Variants in PLA2R1 observed in about 807,000 individuals in gnomAD.
The protein encoded by PLA2R1 is phospholipase A2 receptor 1, also known as secretory phospholipase A2 receptor.
A neutral mutation model predicts 195.9 loss-of-function variants in PLA2R1; 158 were observed. The ratio of observed to expected loss-of-function variants is 0.81; its 90% CI spans 0.71 to 0.92. The LOEUF (loss-of-function observed/expected upper bound fraction) is 0.92. PLA2R1 is among the 40% of genes least tolerant of loss of function. PLA2R1 has a pLI of 0.00. For synonymous variants in PLA2R1, 586 were observed against 598.2 expected, an observed-to-expected ratio of 0.98 and a Z score of 0.30; for missense variants, 1,626 against 1,764.6, an observed-to-expected ratio of 0.92 and a Z score of 1.41.
intron 2 of PLA2R1, 67 bp downstream of exon 2, chr2:160,044,707 A>C (rs956308627): frequency 9.5e-6 from 13 of 1,372,714 alleles, no homozygotes; most frequent in Non-Finnish European, 1.3e-5. Flanking sequence ...ATGCTTTACA[A>C]ATCTTTACTT....
intron 18 of PLA2R1, 147 bp from the exon 19 acceptor site, chr2:159,969,506 G>C: frequency 2.0e-6 from 1 of 489,168 alleles, no homozygotes; most frequent in East Asian, 3.3e-5. Flanking sequence ...AGTACCTATA[G>C]TTAACAATAT....
At chr2:159,962,805 G>A (rs1195893235) in intron 20 of PLA2R1, among the ~76,000 whole-genome samples, 1 of 152,084 alleles carries the variant, frequency 6.6e-6, no homozygotes, top group African/African-American at 2.4e-5. Context: ...AACACCACAT[G>A]TTCTCACTCA....
At chr2:160,037,434 C>A (rs1417157215) in intron 3 of PLA2R1, among the ~76,000 whole-genome samples, 1 of 152,048 alleles carries the variant, frequency 6.6e-6, no homozygotes, top group Non-Finnish European at 1.5e-5. Flanking sequence ...ATGGCAATAA[C>A]CTCTTTCCCC....
intron 15 of PLA2R1, 36 bp from the exon 16 acceptor site, chr2:159,976,756 G>A: frequency 6.4e-7 from 1 of 1,566,846 alleles, no homozygotes; most frequent in Non-Finnish European, 8.8e-7. Flanking sequence ...GACTGATCTT[G>A]CTTCTCAAGT....
Position 159,941,636 on chromosome 2 carries a change from C to T in PLA2R1, c.*142G>A. The T allele has an allele frequency of 1.8e-6, 1 of 563,424 alleles. No individual in the cohort carries two copies. 34.9% of individuals were successfully genotyped at this position (563,424 alleles called of 1,614,324 possible). A position where few individuals can be genotyped will look rare whatever the true frequency, so the allele number is the denominator to read the frequency against. ...ATCTGATTTGGTTAAGATTCAAAACCAGTAATCACTTCAAGAATAATTAAA... is the reference window on the plus strand; with the variant it reads ...ATCTGATTTGGTTAAGATTCAAAACTAGTAATCACTTCAAGAATAATTAAA... On this transcript the variant is annotated 3_prime_UTR_variant, in exon 30 of 30. Coordinates refer to ENST00000283243, the MANE Select transcript of PLA2R1 (RefSeq NM_007366.5).
At chr2:160,006,330 G>A (rs1691983804) in intron 10 of PLA2R1, among the ~76,000 whole-genome samples, 2 of 152,208 alleles carry the variant, frequency 1.3e-5, no homozygotes, top group Admixed American at 1.3e-4. Context: ...AATTAAAGTA[G>A]CAATTTTATG....
At chr2:159,983,102 A>G (rs1020907061) in intron 13 of PLA2R1, among the ~76,000 whole-genome samples, 1 of 152,212 alleles carries the variant, frequency 6.6e-6, no homozygotes, top group Non-Finnish European at 1.5e-5. Flanking sequence ...ATATTTGAAA[A>G]TAGAGTAGAT....
chr2:160,028,441 C>T (rs1693655257), intron 5 of PLA2R1, 80 bp from the exon 6 acceptor site: 7 of 961,396 alleles, frequency 7.3e-6, no homozygotes, highest in Non-Finnish European at 1.1e-5. Flanking sequence ...TTTTCAGCAT[C>T]GGGGGACAGC....
At position 159,933,459 on chromosome 2, in the gene PLA2R1, A is replaced by AT. The variant is rs1217935996; in HGVS notation, c.*8318dup. On this transcript the variant is annotated 3_prime_UTR_variant, in exon 30 of 30. Coordinates refer to ENST00000283243, the MANE Select transcript of PLA2R1 (RefSeq NM_007366.5). ...TCTAACATTTCCTACAATTTAATAC[A>AT]TATCACTTATCTTGTTAAGCCTTTC... 3.9e-5 allele frequency: 6 copies of AT among 152,238 alleles called. No individual in the cohort carries two copies. The highest frequency in any genetic ancestry group is 8.8e-5 in the Non-Finnish European group (6 of 68,040). 9.4% of individuals were successfully genotyped at this position (152,238 alleles called of 1,614,324 possible).
chr2:160,036,346 T>C (rs1484100368), intron 3 of PLA2R1, among the ~76,000 whole-genome samples: 1 of 152,226 alleles, frequency 6.6e-6, no homozygotes, highest in Non-Finnish European at 1.5e-5. Flanking sequence ...CTTTTTCTCC[T>C]AGCCTCCAAG....
chr2:160,028,175 A>G (rs767330400), intron 6 of PLA2R1, 43 bp downstream of exon 6: 1 of 1,346,512 alleles, frequency 7.4e-7, no homozygotes, highest in Non-Finnish European at 1.0e-6. Flanking sequence ...TTGAGAGGAC[A>G]AGTCAACAAC....
At chr2:159,951,301 A>T in intron 24 of PLA2R1, 39 bp downstream of exon 24, 1 of 1,149,274 alleles carries the variant, frequency 8.7e-7, no homozygotes, top group Non-Finnish European at 1.3e-6. Context: ...TGCTAAACTT[A>T]ATTATTCAAG....
rs78192042 is a variant in PLA2R1, at chr2:160,049,170, T to C, written c.110-4013A>G. Among the ~76,000 whole-genome samples the C allele has an allele frequency of 3.4e-5, 4 of 117,972 alleles. No individual in the cohort carries two copies. In the East Asian group the frequency reaches 8.3e-4, roughly 25 times the overall value. The allele number at this position is 117,972 out of a possible 152,430, so 77.4% of individuals were successfully genotyped here. A position where few individuals can be genotyped will look rare whatever the true frequency, so the allele number is the denominator to read the frequency against. Reference sequence around the variant, plus strand: ...GAAACTTATAAGCTAATTTCTATCCTTTTTTTTTTAAATAAAATCCATGGA... The same window carrying C: ...GAAACTTATAAGCTAATTTCTATCCCTTTTTTTTTAAATAAAATCCATGGA... On this transcript the variant is annotated intron_variant, in intron 1 of 29. Transcript: ENST00000283243.
chr2:159,934,484 C>G lies in PLA2R1; in HGVS notation c.*7294G>C, dbSNP rs1686720496. 1 of 152,162 alleles carries G rather than the reference C, an allele frequency of 6.6e-6. No homozygotes were observed. The highest frequency in any genetic ancestry group is 1.5e-5 in the Non-Finnish European group (1 of 68,028). 9.4% of individuals were successfully genotyped at this position (152,162 alleles called of 1,614,324 possible). Reference sequence around the variant, plus strand: ...ATGTCATATAGCAGTGGTCCTCAAACTTTTTGGCTAGCATACAAAATTGTT... The same window carrying G: ...ATGTCATATAGCAGTGGTCCTCAAAGTTTTTGGCTAGCATACAAAATTGTT... On this transcript the variant is annotated 3_prime_UTR_variant, in exon 30 of 30. Transcript: ENST00000283243.
Position 159,970,289 on chromosome 2 carries a change from A to C in PLA2R1, c.2596-77T>G, listed in dbSNP as rs997186407. 61 of 916,458 alleles carry C rather than the reference A, an allele frequency of 6.7e-5. No individual in the cohort carries two copies. In the African/African-American group the frequency reaches 9.2e-4, roughly 14 times the overall value. 56.8% of individuals were successfully genotyped at this position (916,458 alleles called of 1,614,324 possible). ...TATTAAGAGTAATGGGGTTGCTGCT[A>C]ATAGCTTTCTATTCTTCAGTATTTT... On this transcript the variant is annotated intron_variant, in intron 17 of 29. Transcript: ENST00000283243.
At chr2:160,001,829 G>C (rs1363063238) in intron 11 of PLA2R1, among the ~76,000 whole-genome samples, 1 of 151,738 alleles carries the variant, frequency 6.6e-6, no homozygotes, top group Non-Finnish European at 1.5e-5. Flanking sequence ...AAATTCGACA[G>C]AACTACAGGG....
chr2:159,952,151 T>A (rs2125932219), intron 23 of PLA2R1, among the ~76,000 whole-genome samples: 1 of 152,324 alleles, frequency 6.6e-6, no homozygotes, highest in South Asian at 2.1e-4. Context: ...TACACACTGT[T>A]CTTATAAACA....
At chr2:160,048,035 A>G (rs1694986808) in intron 1 of PLA2R1, among the ~76,000 whole-genome samples, 1 of 152,056 alleles carries the variant, frequency 6.6e-6, no homozygotes, top group Admixed American at 6.5e-5. Context: ...ATCTCAATAT[A>G]TTGCCCAGGA....
At chr2:159,974,065 T>A (rs935484122) in intron 17 of PLA2R1, among the ~76,000 whole-genome samples, 11 of 152,056 alleles carry the variant, frequency 7.2e-5, no homozygotes, top group South Asian at 4.1e-4. Context: ...AGACAGAAGA[T>A]CTACAGAAGT....
Sources: allele counts gnomAD v4.1 joint callset (sites outside exome capture counted in the v4.1 genomes callset), GRCh38; gene constraint gnomAD v4.1.1; transcripts MANE v1.5; gene names NCBI Gene and HGNC (gene_info 2026-07-23, HGNC 2026-07-21).